SLC25A42: variants seen among roughly 807,000 people sequenced by gnomAD.
SLC25A42 encodes the protein mitochondrial coenzyme A transporter SLC25A42.
Under a neutral mutation model 34.7 loss-of-function variants are expected in SLC25A42, and 19 were observed. The ratio of observed to expected loss-of-function variants is 0.55; its 90% confidence interval spans 0.38 to 0.80. The LOEUF (loss-of-function observed/expected upper bound fraction) is 0.80, where lower values mean the gene tolerates loss of function less well. Ranked by LOEUF, SLC25A42 falls within the 30% of genes least tolerant of loss-of-function variation. The probability of loss-of-function intolerance (pLI) is 0.00; values close to 1 mark genes in which losing one functional copy is unlikely to be tolerated. For synonymous variants in SLC25A42, 205 were observed against 191.2 expected, an observed-to-expected ratio of 1.07 and a Z score of -0.59; for missense variants, 364 against 441.3, an observed-to-expected ratio of 0.82 and a Z score of 1.57.
At chr19:19,096,310 C>T in intron 2 of SLC25A42, 105 bp downstream of exon 2, 1 of 799,826 alleles carries the variant, frequency 1.3e-6, no homozygotes, top group Non-Finnish European at 2.0e-6. Context: ...GCACCCCCTC[C>T]AAACAGGCTC....
chr19:19,068,961 G>C (rs1291364309), intron 1 of SLC25A42, among the ~76,000 whole-genome samples: 1 of 149,354 alleles, frequency 6.7e-6, no homozygotes, highest in Non-Finnish European at 1.5e-5. Flanking sequence ...AGGGGGTTGA[G>C]GCTGCAGTGA....
At chr19:19,070,991 C>CTTTTTTTTTTTTTTTTT (rs35787720) in intron 1 of SLC25A42, among the ~76,000 whole-genome samples, 12 of 117,208 alleles carry the variant, frequency 1.0e-4, no homozygotes, top group African/African-American at 3.8e-4. Context: ...TGCATACCGT[C>CTTTTTTTTTTTTTTTTT]TTTTTTTTTT....
Position 19,110,893 on chromosome 19 carries a change from C to T in SLC25A42, c.*17C>T, listed in dbSNP as rs549374233. 6.2e-7 allele frequency: 1 copy of T among 1,613,070 alleles called. No homozygotes were observed. Among genetic ancestry groups the T allele is most frequent in the East Asian group, 2.2e-5 (1 of 44,858 alleles). ...CAGAGCTAGGGGACCCTGAGCTGCT[C>T]TCAGGACGGTGGACCGGTGACCCCT... is the stretch of plus-strand genomic sequence containing the variant. On this transcript the variant is annotated 3_prime_UTR_variant, in exon 8 of 8. Coordinates refer to ENST00000318596, the MANE Select transcript of SLC25A42 (RefSeq NM_178526.5).
intron 1 of SLC25A42, among the ~76,000 whole-genome samples, chr19:19,092,259 T>C (rs1006680743): frequency 2.0e-5 from 3 of 152,194 alleles, no homozygotes; most frequent in Non-Finnish European, 4.4e-5. Context: ...AGCGTCACAT[T>C]CACAGGTTCT....
intron 7 of SLC25A42, among the ~76,000 whole-genome samples, 155 bp from the exon 8 acceptor site, chr19:19,110,412 CGT>C (rs1020188396): frequency 1.3e-5 from 2 of 152,130 alleles, no homozygotes; most frequent in Non-Finnish European, 2.9e-5. Context: ...GGCAGTGGGG[CGT>C]GTGGGTGCGC....
At position 19,109,769 on chromosome 19, in the gene SLC25A42, T is replaced by C. The variant is rs897134724; in HGVS notation, c.650-800T>C. Among the ~76,000 whole-genome samples the C allele has an allele frequency of 6.6e-6, 1 of 152,128 alleles. No homozygotes were observed. Among genetic ancestry groups the C allele is most frequent in the African/African-American group, 2.4e-5 (1 of 41,418 alleles). The stretch of plus-strand genomic sequence containing the variant: ...AAATTCCTAGTTCTAAATTTACTAT[T>C]ACAAATGTTTAAAGTACCCCTACTG... On this transcript the variant is annotated intron_variant, in intron 7 of 7. Coordinates refer to ENST00000318596, the MANE Select transcript of SLC25A42 (RefSeq NM_178526.5). The surrounding 1 kb of genome is among the most constrained non-coding windows in gnomAD (Gnocchi z 4.1).
chr19:19,100,250 G>A (rs1256330911), intron 2 of SLC25A42, among the ~76,000 whole-genome samples: 1 of 152,026 alleles, frequency 6.6e-6, no homozygotes, highest in Non-Finnish European at 1.5e-5. Flanking sequence ...GCTGAGGGAG[G>A]AGAATCGCTT....
At chr19:19,064,322 T>A (rs1291081032) in intron 1 of SLC25A42, among the ~76,000 whole-genome samples, 3 of 150,270 alleles carry the variant, frequency 2.0e-5, no homozygotes, top group Non-Finnish European at 3.0e-5. Context: ...TTCGTTGACA[T>A]CCCCCATACA....
At chr19:19,105,294 C>T (rs1429006551) in intron 4 of SLC25A42, 12 of 574,276 alleles carry the variant, frequency 2.1e-5, no homozygotes. Flanking sequence ...AGCTGCTTTG[C>T]AGCCTGGTTC....
chr19:19,095,083 C>A (rs1330137270), intron 1 of SLC25A42, among the ~76,000 whole-genome samples: 1 of 151,964 alleles, frequency 6.6e-6, no homozygotes, highest in East Asian at 1.9e-4. Context: ...CGTCTGTAAT[C>A]CCAGGTACTT....
intron 1 of SLC25A42, among the ~76,000 whole-genome samples, chr19:19,092,961 C>A (rs983563659): frequency 6.6e-6 from 1 of 152,098 alleles, no homozygotes; most frequent in East Asian, 1.9e-4. Flanking sequence ...GATGCCGACC[C>A]CCAGCAACCG....
chr19:19,085,704 G>GTCTTC (rs1414566297), intron 1 of SLC25A42, among the ~76,000 whole-genome samples: 1 of 152,216 alleles, frequency 6.6e-6, no homozygotes, highest in Non-Finnish European at 1.5e-5. Context: ...GGGTGCCTGT[G>GTCTTC]TCTTCACCCC....
intron 1 of SLC25A42, among the ~76,000 whole-genome samples, chr19:19,076,762 G>A (rs1191003589): frequency 6.6e-6 from 1 of 152,124 alleles, no homozygotes; most frequent in East Asian, 1.9e-4. Flanking sequence ...TGCATCCTTG[G>A]AACCAGATCA....
intron 1 of SLC25A42, among the ~76,000 whole-genome samples, chr19:19,071,968 G>C (rs959859952): frequency 2.6e-5 from 4 of 152,234 alleles, no homozygotes; most frequent in Non-Finnish European, 5.9e-5. Flanking sequence ...AGATTAACCT[G>C]TGGGGGGATG....
At chr19:19,096,232 G>T (rs1455936529) in intron 2 of SLC25A42, 27 bp downstream of exon 2, 12 of 1,595,724 alleles carry the variant, frequency 7.5e-6, no homozygotes, top group Non-Finnish European at 1.0e-5. Flanking sequence ...CCTGGGATGG[G>T]TGTTCTCCTG....
intron 4 of SLC25A42, chr19:19,105,180 A>G: frequency 1.7e-6 from 1 of 592,424 alleles, no homozygotes; most frequent in Non-Finnish European, 3.0e-6. Context: ...TGTTTGATTT[A>G]TTGTTAAACA....
chr19:19,100,595 C>T (rs922063937), intron 2 of SLC25A42, among the ~76,000 whole-genome samples: 1 of 152,308 alleles, frequency 6.6e-6, no homozygotes, highest in African/African-American at 2.4e-5. Context: ...GCACCTCATC[C>T]TTCAAGCTCA....
intron 1 of SLC25A42, among the ~76,000 whole-genome samples, chr19:19,077,839 A>G (rs569973235): frequency 5.7e-4 from 87 of 152,308 alleles, no homozygotes; most frequent in Middle Eastern, 3.4e-3. Context: ...GTGAGCTGAG[A>G]TCGTGCCATT....
chr19:19,065,999 G>A (rs2059600156), intron 1 of SLC25A42, among the ~76,000 whole-genome samples: 1 of 152,076 alleles, frequency 6.6e-6, no homozygotes, highest in Non-Finnish European at 1.5e-5. Context: ...TGGGATTACA[G>A]GCATGTGCCA....
Sources: gnomAD v4.1 joint callset for allele counts (sites outside exome capture counted in the v4.1 genomes callset) on GRCh38, gnomAD v4.1.1 for gene constraint, Gnocchi (gnomAD v3.1) non-coding constraint, MANE v1.5 for transcripts, NCBI Gene and HGNC (gene_info 2026-07-23, HGNC 2026-07-21) for gene names.